ZNF559: variants seen among roughly 807,000 people sequenced by gnomAD.
The protein encoded by ZNF559 is zinc finger protein 559.
Under a neutral mutation model 14.2 loss-of-function variants are expected in ZNF559, and 17 were observed. The observed-to-expected ratio is 1.20, with a 90% CI of 0.82 to 1.80. ZNF559 has a LOEUF of 1.80. Among genes scored for constraint, ZNF559 ranks in the 40% most tolerant of loss-of-function variants. The pLI is 0.00. For missense variants in ZNF559, 740 were observed against 629.7 expected (o/e 1.18, Z -1.88); for synonymous variants, 244 against 212.4 (o/e 1.15, Z -1.29).
In ZNF559 at chr19:9,342,233, G is replaced by A; in HGVS notation, c.782G>A (p.Arg261Lys). The A allele has an allele frequency of 6.3e-7, 1 of 1,587,306 alleles. No individual in the cohort carries two copies. The highest frequency in any genetic ancestry group is 2.2e-5 in the East Asian group (1 of 44,794). ...TESSYLTQHL[R>K]THSRVLPIEH... ...TCGTCATATCTTACTCAACATTTAA[G>A]AACTCATAGTAGAGTGTTACCTATA... Residue 261 changes from arginine to lysine, a missense_variant, in exon 7 of 7, where the codon AGA (arginine) becomes AAA (lysine). Arg to Lys is a conservative substitution (Grantham distance 26, BLOSUM62 2). Coordinates refer to ENST00000603380, the MANE Select transcript of ZNF559 (RefSeq NM_032497.3).
rs1211605660 is a variant in ZNF559, at chr19:9,342,105, T to C, written c.654T>C (p.Tyr218=). Residue 218 remains tyrosine, a synonymous_variant, in exon 7 of 7, where the codon TAT becomes TAC. Coordinates refer to ENST00000603380, the MANE Select transcript of ZNF559 (RefSeq NM_032497.3). ...GGERPYTHKE[Y]VETFSHSTAL... ...AGAGACCATATACTCATAAGGAGTATGTCGAAACCTTTTCTCATTCTACAG... is the reference window on the plus strand; with the variant it reads ...AGAGACCATATACTCATAAGGAGTACGTCGAAACCTTTTCTCATTCTACAG... 3.1e-6 allele frequency: 5 copies of C among 1,613,320 alleles called. No individual in the cohort carries two copies. Among genetic ancestry groups the C allele is most frequent in the East Asian group, 2.2e-5 (1 of 44,884 alleles).
upstream of ZNF559, chr19:9,324,151 C>A: frequency 2.6e-6 from 4 of 1,535,868 alleles, no homozygotes; most frequent in South Asian, 3.6e-5. Context: ...CTAGCCTTTG[C>A]GCGTGCGCGG....
chr19:9,337,793 C>T lies in ZNF559; in HGVS notation c.-119-3C>T, dbSNP rs2067322715. 2.1e-6 allele frequency: 3 copies of T among 1,437,528 alleles called. No individual in the cohort carries two copies. Among genetic ancestry groups the T allele is most frequent in the African/African-American group, 2.9e-5 (2 of 70,072 alleles). 89.0% of individuals were successfully genotyped at this position (1,437,528 alleles called of 1,614,324 possible). On this transcript the variant is annotated splice_region_variant and splice_polypyrimidine_tract_variant and intron_variant, in intron 2 of 6. Transcript: ENST00000603380. ...CTCACATGAACAACTTCATCTTCTG[C>T]AGAGAGATGGCTAATGAATGGCGCT...
chr19:9,335,884 A>G (rs2067210646), intron 2 of ZNF559, among the ~76,000 whole-genome samples: 1 of 152,236 alleles, frequency 6.6e-6, no homozygotes, highest in Non-Finnish European at 1.5e-5. Flanking sequence ...AACTTCAGAT[A>G]AACGTAATAG....
At chr19:9,332,339 A>G (rs56232137) in intron 2 of ZNF559, among the ~76,000 whole-genome samples, 11,501 of 131,808 alleles carry the variant, frequency 0.087, 643 homozygotes, top group Non-Finnish European at 0.14. Flanking sequence ...AGAGGTATAC[A>G]TATGTATGTG....
At chr19:9,324,036 T>TG (rs1221921585), upstream of ZNF559, 4 of 940,256 alleles carry the variant, frequency 4.3e-6, no homozygotes, top group Admixed American at 2.5e-5. Context: ...CGGTGACACT[T>TG]GCGCTCTTCG....
chr19:9,334,824 T>G (rs1230691537), intron 2 of ZNF559, among the ~76,000 whole-genome samples: 1 of 152,116 alleles, frequency 6.6e-6, no homozygotes, highest in African/African-American at 2.4e-5. Context: ...AGAGATAGGT[T>G]TTTTAGAAGT....
intron 2 of ZNF559, among the ~76,000 whole-genome samples, chr19:9,325,635 A>C (rs1176850140): frequency 6.6e-6 from 1 of 151,982 alleles, no homozygotes; most frequent in African/African-American, 2.4e-5. Flanking sequence ...TACTCAAAAT[A>C]CAAAAAATTA....
intron 2 of ZNF559, 48 bp downstream of exon 2, chr19:9,324,828 G>A (rs779117473): frequency 4.7e-6 from 7 of 1,485,668 alleles, no homozygotes; most frequent in South Asian, 1.2e-5. Context: ...GGGTCTTGAA[G>A]TTTAAGTTGT....
Position 9,324,230 on chromosome 19 carries a change from T to G in ZNF559, c.-206+2T>G, listed in dbSNP as rs2066433284. On this transcript the variant is annotated splice_donor_variant, in intron 1 of 6. Coordinates refer to ENST00000603380, the MANE Select transcript of ZNF559 (RefSeq NM_032497.3). LOFTEE classifies it low-confidence loss of function (5UTR_SPLICE). ...AGCGCGTTCCCGTTGGCGTCTGAGG[T>G]AAGTTTTTGTTTCTGGGCGGCGTTC... The G allele has an allele frequency of 1.3e-6, 2 of 1,535,930 alleles. No homozygotes were observed. Among genetic ancestry groups the G allele is most frequent in the Admixed American group, 2.0e-5 (1 of 50,992 alleles).
chr19:9,327,228 TTTG>T (rs1030794806), intron 2 of ZNF559, among the ~76,000 whole-genome samples: 3 of 101,178 alleles, frequency 3.0e-5, no homozygotes, highest in African/African-American at 1.1e-4. Context: ...TTTTTTTGGT[TTTG>T]TTTTGTTTTG....
chr19:9,335,456 C>T (rs1248073152), intron 2 of ZNF559, among the ~76,000 whole-genome samples: 1 of 152,134 alleles, frequency 6.6e-6, no homozygotes, highest in Non-Finnish European at 1.5e-5. Flanking sequence ...AGAGTGCAGC[C>T]CTGTCTCCCC....
chr19:9,331,776 T>A (rs1320642266), intron 2 of ZNF559, among the ~76,000 whole-genome samples: 7 of 152,216 alleles, frequency 4.6e-5, no homozygotes, highest in African/African-American at 1.7e-4. Flanking sequence ...ATTGTTACTA[T>A]GTGTTTCCAT....
chr19:9,327,719 T>C (rs1256203961), intron 2 of ZNF559, among the ~76,000 whole-genome samples: 3 of 150,578 alleles, frequency 2.0e-5, no homozygotes, highest in Admixed American at 6.7e-5. Context: ...CTATACTTTT[T>C]TTCTTTTTTG....
intron 1 of ZNF559, 89 bp downstream of exon 1, chr19:9,324,317 A>C: frequency 1.3e-6 from 2 of 1,535,118 alleles, no homozygotes; most frequent in Non-Finnish European, 1.7e-6. Flanking sequence ...GCCCAGTGAA[A>C]TGGAGCCTGT....
In ZNF559 at chr19:9,343,564, G is replaced by A; in HGVS notation, c.*496G>A. 2.0e-6 allele frequency: 2 copies of A among 991,940 alleles called. No individual in the cohort carries two copies. Among genetic ancestry groups the A allele is most frequent in the Non-Finnish European group, 2.4e-6 (2 of 833,216 alleles). 61.4% of individuals were successfully genotyped at this position (991,940 alleles called of 1,614,324 possible). ...GTGAAAAATCTTATGAATGTAAAAT[G>A]TGTGGAGATTCTTCTTTGTTTTTAG... On this transcript the variant is annotated 3_prime_UTR_variant, in exon 7 of 7. Coordinates refer to ENST00000603380, the MANE Select transcript of ZNF559 (RefSeq NM_032497.3).
intron 1 of ZNF559, 89 bp from the exon 2 acceptor site, chr19:9,324,606 C>T (rs1470277773): frequency 2.4e-5 from 27 of 1,119,478 alleles, no homozygotes; most frequent in Non-Finnish European, 3.2e-5. Flanking sequence ...CCAGGCAGGG[C>T]AACATAGGGA....
chr19:9,337,783 T>G lies in ZNF559; in HGVS notation c.-119-13T>G. ...TCTAGTGGCACTCACATGAACAACT[T>G]CATCTTCTGCAGAGAGATGGCTAAT... On this transcript the variant is annotated splice_polypyrimidine_tract_variant and intron_variant, in intron 2 of 6. Transcript: ENST00000603380. 1 of 1,430,450 alleles carries G rather than the reference T, an allele frequency of 7.0e-7. No individual in the cohort carries two copies. Among genetic ancestry groups the G allele is most frequent in the Non-Finnish European group, 9.1e-7 (1 of 1,095,214 alleles). The allele number at this position is 1,430,450 out of a possible 1,614,324, so 88.6% of individuals were successfully genotyped here. A position where few individuals can be genotyped will look rare whatever the true frequency, so the allele number is the denominator to read the frequency against.
intron 1 of ZNF559, 21 bp downstream of exon 1, chr19:9,324,249 G>C (rs774834611): frequency 4.6e-6 from 7 of 1,536,108 alleles, no homozygotes; most frequent in Non-Finnish European, 6.1e-6. Context: ...GTTTCTGGGC[G>C]GCGTTCGGTG....
Sources: gnomAD v4.1 joint callset for allele counts (sites outside exome capture counted in the v4.1 genomes callset) on GRCh38, gnomAD v4.1.1 for gene constraint, MANE v1.5 for transcripts, NCBI Gene and HGNC (gene_info 2026-07-23, HGNC 2026-07-21) for gene names.